The following CTDSPL variants were observed in gnomAD, a reference collection of about 807,000 sequenced individuals.
CTDSPL encodes CTD small phosphatase like, also known as CTD small phosphatase-like protein.
CTDSPL carries 8 observed loss-of-function variants against 30.5 expected under a neutral mutation model. The ratio of observed to expected loss-of-function variants is 0.26; its 90% confidence interval spans 0.15 to 0.47. The LOEUF (loss-of-function observed/expected upper bound fraction) is 0.47. CTDSPL is among the 20% of genes least tolerant of loss of function. The pLI, the probability that CTDSPL is intolerant of heterozygous loss-of-function variation, is 0.99. For synonymous variants in CTDSPL, 110 were observed against 137.9 expected (o/e 0.80, Z 1.42); for missense variants, 248 against 366.1 (o/e 0.68, Z 2.63).
chr3:37,866,517 TAAAA>T (rs1193304781), intron 1 of CTDSPL, among the ~76,000 whole-genome samples: 1 of 152,056 alleles, frequency 6.6e-6, no homozygotes, highest in Non-Finnish European at 1.5e-5. Flanking sequence ...ATTTTTTAAC[TAAAA>T]AAAGAAATTT....
chr3:37,943,418 A>C lies in CTDSPL; in HGVS notation c.80-3639A>C, dbSNP rs9838173. 2.0e-3 allele frequency among the ~76,000 whole-genome samples: 294 copies of C among 149,980 alleles called. 4 individuals are homozygous for C. Among genetic ancestry groups the C allele is most frequent in the African/African-American group, 6.8e-3 (279 of 41,302 alleles). On this transcript the variant is annotated intron_variant, in intron 1 of 7. Coordinates refer to ENST00000273179, the MANE Select transcript of CTDSPL (RefSeq NM_001008392.2). ...TCTACCATGGAGGAAGCTAGGGAGT[A>C]AGGTGGGCAGGTGCTGGGTTTGGAT... is the stretch of plus-strand genomic sequence containing the variant.
chr3:37,883,181 G>C (rs1046645664), intron 1 of CTDSPL, among the ~76,000 whole-genome samples: 1 of 134,758 alleles, frequency 7.4e-6, no homozygotes, highest in African/African-American at 2.9e-5. Flanking sequence ...ATATTAAGAA[G>C]AGTCATCTTA....
intron 1 of CTDSPL, among the ~76,000 whole-genome samples, chr3:37,904,543 G>A (rs1319813328): frequency 2.6e-5 from 4 of 152,142 alleles, no homozygotes; most frequent in Non-Finnish European, 5.9e-5. Context: ...CCTACTCCCT[G>A]GCTAGAGAAC....
At chr3:37,945,811 G>T (rs545587013) in intron 1 of CTDSPL, among the ~76,000 whole-genome samples, 29 of 152,306 alleles carry the variant, frequency 1.9e-4, no homozygotes, top group Non-Finnish European at 3.8e-4. Context: ...GGAGTTGCTG[G>T]AATAACAGCT....
rs756739619 is a variant in CTDSPL, at chr3:37,975,671, T to G, written c.520-38T>G. 1 of 1,563,786 alleles carries G rather than the reference T, an allele frequency of 6.4e-7. No individual in the cohort carries two copies. Among genetic ancestry groups the G allele is most frequent in the Non-Finnish European group, 8.7e-7 (1 of 1,151,788 alleles). ...GTAGTTCAGGGTTTGGGGGGCTCTT[T>G]TAAACACCCAGCCTTCATTGTGACA... On this transcript the variant is annotated intron_variant, in intron 6 of 7. Coordinates refer to ENST00000273179, the MANE Select transcript of CTDSPL (RefSeq NM_001008392.2). The surrounding 1 kb of genome is among the most constrained non-coding windows in gnomAD (Gnocchi z 4.9).
At position 37,862,302 on chromosome 3, in the gene CTDSPL, C is replaced by G; in HGVS notation, c.79+24C>G. On this transcript the variant is annotated intron_variant, in intron 1 of 7. Coordinates refer to ENST00000273179, the MANE Select transcript of CTDSPL (RefSeq NM_001008392.2). This position sits in a 1 kb window ranked among gnomAD's most constrained non-coding sequence, Gnocchi z 4.3. ...AGGTGAGGAGGGGCGCAGGCGGCCG[C>G]GGGCTGGGGGCGAGCGCACACCCCG... The G allele has an allele frequency of 6.8e-7, 1 of 1,475,168 alleles. No individual in the cohort carries two copies. Among genetic ancestry groups the G allele is most frequent in the Non-Finnish European group, 9.0e-7 (1 of 1,115,552 alleles). 91.4% of individuals were successfully genotyped at this position (1,475,168 alleles called of 1,614,324 possible).
chr3:37,897,407 T>G (rs567481140), intron 1 of CTDSPL, among the ~76,000 whole-genome samples: 13 of 152,308 alleles, frequency 8.5e-5, no homozygotes, highest in African/African-American at 3.1e-4. Context: ...TTTCCCAATT[T>G]AAAATGATAC....
intron 3 of CTDSPL, among the ~76,000 whole-genome samples, chr3:37,962,454 C>T (rs1022748588): frequency 1.3e-5 from 2 of 152,202 alleles, no homozygotes; most frequent in African/African-American, 4.8e-5. Context: ...CATCTTTTCT[C>T]TCTTAGATCG....
At chr3:37,951,235 G>A (rs1352985238) in intron 2 of CTDSPL, among the ~76,000 whole-genome samples, 1 of 152,104 alleles carries the variant, frequency 6.6e-6, no homozygotes, top group Non-Finnish European at 1.5e-5. Context: ...GGGCATGGTG[G>A]CGGGCACCTG....
rs1699419056 is a variant in CTDSPL at position 37,975,815 on chromosome 3, G to A, written c.626G>A (p.Ser209Asn). The change falls in exon 7 of 8, where the codon AGT (serine) becomes AAT (asparagine). Residue 209 changes from serine to asparagine, a missense_variant. Around this residue, in one of 4 missense-constraint regions of CTDSPL, gnomAD observed 84 missense variants for 139.4 expected, o/e 0.60. Transcript: ENST00000273179. The surrounding 1 kb of genome is among the most constrained non-coding windows in gnomAD (Gnocchi z 4.9). ...FHRGNYVKDL[S>N]RLGRELSKVI... The stretch of plus-strand genomic sequence containing the variant: ...CGTGGGAACTACGTGAAGGACCTGA[G>A]TCGCCTTGGGCGGGAGCTGAGCAAA... 1.2e-6 allele frequency: 2 copies of A among 1,614,018 alleles called. No homozygotes were observed. Among genetic ancestry groups the A allele is most frequent in the African/African-American group, 1.3e-5 (1 of 74,902 alleles).
chr3:37,922,035 C>T (rs551318033), intron 1 of CTDSPL, among the ~76,000 whole-genome samples: 64 of 152,248 alleles, frequency 4.2e-4, no homozygotes, highest in African/African-American at 1.5e-3. Context: ...AGTTCGAGAC[C>T]AGCCTGGCCA....
intron 1 of CTDSPL, among the ~76,000 whole-genome samples, chr3:37,879,167 T>G (rs192847763): frequency 1.3e-5 from 2 of 152,248 alleles, no homozygotes; most frequent in Non-Finnish European, 2.9e-5. Flanking sequence ...GAAACTTTCC[T>G]AAGAGTGAAG....
At chr3:37,924,463 C>T (rs1698757260) in intron 1 of CTDSPL, among the ~76,000 whole-genome samples, 2 of 152,152 alleles carry the variant, frequency 1.3e-5, no homozygotes, top group South Asian at 4.1e-4. Context: ...GCCAGCTTTT[C>T]CAACAATGGT....
At chr3:37,980,118 T>C (rs1461759682) in intron 7 of CTDSPL, among the ~76,000 whole-genome samples, 2 of 152,240 alleles carry the variant, frequency 1.3e-5, no homozygotes, top group Non-Finnish European at 2.9e-5. Context: ...TTTATAAATC[T>C]CTCCTTTGTA....
chr3:37,863,517 C>T (rs192356320), intron 1 of CTDSPL, among the ~76,000 whole-genome samples: 4 of 152,342 alleles, frequency 2.6e-5, no homozygotes, highest in Non-Finnish European at 5.9e-5. Flanking sequence ...AAGCTTGCCT[C>T]ATTCTCTTCC....
At chr3:37,883,986 G>T (rs986504227) in intron 1 of CTDSPL, among the ~76,000 whole-genome samples, 9 of 152,100 alleles carry the variant, frequency 5.9e-5, no homozygotes, top group Non-Finnish European at 5.9e-5. Flanking sequence ...AAAACTCAGG[G>T]TCCTTAAGGG....
intron 1 of CTDSPL, among the ~76,000 whole-genome samples, chr3:37,868,690 T>A (rs1698040009): frequency 6.6e-6 from 1 of 152,046 alleles, no homozygotes; most frequent in South Asian, 2.1e-4. Context: ...TTCTTTTGCA[T>A]CTTTGTCAAA....
intron 1 of CTDSPL, among the ~76,000 whole-genome samples, chr3:37,892,512 C>T (rs1698339368): frequency 6.6e-6 from 1 of 151,944 alleles, no homozygotes; most frequent in Non-Finnish European, 1.5e-5. Context: ...TGCATTTACT[C>T]CTCCAATAAA....
At chr3:37,917,446 G>A (rs544123528) in intron 1 of CTDSPL, among the ~76,000 whole-genome samples, 1 of 152,154 alleles carries the variant, frequency 6.6e-6, no homozygotes, top group Non-Finnish European at 1.5e-5. Flanking sequence ...AAAGTGTTAG[G>A]CACTTTCGTT....
Sources: allele counts gnomAD v4.1 joint callset (sites outside exome capture counted in the v4.1 genomes callset), GRCh38; gene constraint gnomAD v4.1.1; regional missense constraint gnomAD v4.1.1; non-coding constraint Gnocchi (gnomAD v3.1); transcripts MANE v1.5; gene names NCBI Gene and HGNC (gene_info 2026-07-23, HGNC 2026-07-21).